The following PSMA8 variants were observed in gnomAD, a reference collection of about 807,000 sequenced individuals.
PSMA8 encodes proteasome subunit alpha-type 8.
Under a neutral mutation model 32.4 loss-of-function variants are expected in PSMA8, and 18 were observed. The observed-to-expected ratio is 0.56, with a 90% CI of 0.38 to 0.82. The LOEUF is 0.82. Ranked by LOEUF, PSMA8 falls within the 40% of genes least tolerant of loss-of-function variation. The pLI is 0.00. For synonymous variants in PSMA8, 104 were observed against 98.1 expected (o/e 1.06, Z -0.36); for missense variants, 298 against 300.7 (o/e 0.99, Z 0.07).
intron 6 of PSMA8, among the ~76,000 whole-genome samples, chr18:26,189,197 CTTCTTTTCTCAAAAGAAGACATACA>C: frequency 6.6e-6 from 1 of 152,046 alleles, no homozygotes; most frequent in African/African-American, 2.4e-5. Flanking sequence ...ATTTGTATGT[CTTCTTTTCTCAAAAGAAGACATACA>C]AATGGCAAAC....
At chr18:26,146,385 C>T (rs1452270581) in intron 2 of PSMA8, among the ~76,000 whole-genome samples, 9 of 151,998 alleles carry the variant, frequency 5.9e-5, no homozygotes, top group Admixed American at 5.9e-4. Context: ...AAAATTAAAA[C>T]CTCATTCAGA....
At chr18:26,175,566 C>G (rs1036552950) in intron 4 of PSMA8, among the ~76,000 whole-genome samples, 2 of 152,156 alleles carry the variant, frequency 1.3e-5, no homozygotes, top group African/African-American at 2.4e-5. Context: ...AACCAGGGAA[C>G]CTTCCCAAGG....
intron 3 of PSMA8, among the ~76,000 whole-genome samples, chr18:26,153,890 T>C (rs953897898): frequency 1.3e-5 from 2 of 152,066 alleles, no homozygotes; most frequent in African/African-American, 4.8e-5. Flanking sequence ...TACCATTTGT[T>C]TTATTTTTAT....
At chr18:26,165,570 T>A (rs1338848592) in intron 4 of PSMA8, among the ~76,000 whole-genome samples, 1 of 151,072 alleles carries the variant, frequency 6.6e-6, no homozygotes, top group Non-Finnish European at 1.5e-5. Context: ...CAAGGGAATT[T>A]TCCCCCCCCA....
Position 26,183,898 on chromosome 18 carries a change from T to C in PSMA8, c.660+4768T>C, listed in dbSNP as rs540733616. ...GAAATTCCCACAGCCACTTCAACCT[T>C]CAGCAACCACTACCCTGATGAGTCA... On this transcript the variant is annotated intron_variant, in intron 6 of 6. Transcript: ENST00000415576. Among the ~76,000 whole-genome samples the C allele has an allele frequency of 2.7e-5, 4 of 150,802 alleles. No individual in the cohort carries two copies. In the South Asian group the frequency reaches 8.3e-4, roughly 31 times the overall value.
intron 1 of PSMA8, among the ~76,000 whole-genome samples, chr18:26,138,950 T>G (rs2054933520): frequency 2.0e-5 from 3 of 152,168 alleles, no homozygotes; most frequent in African/African-American, 7.2e-5. Context: ...TGGGGGAAGA[T>G]AACTGTTTTG....
In PSMA8 at chr18:26,179,079, T is replaced by A; in HGVS notation, c.609T>A (p.Ser203=). The A allele has an allele frequency of 6.2e-7, 1 of 1,613,284 alleles. No individual in the cohort carries two copies. The highest frequency in any genetic ancestry group is 8.5e-7 in the Non-Finnish European group (1 of 1,179,584). ...TTGTTCTACATTAGGTTGTCCAGTCTGGTGGAAAAAACATTGAACTTGCTA... is the reference window on the plus strand; with the variant it reads ...TTGTTCTACATTAGGTTGTCCAGTCAGGTGGAAAAAACATTGAACTTGCTA... The part of the protein sequence containing the change: ...AIKALLEVVQ[S]GGKNIELAII... Residue 203 remains serine (S), a synonymous_variant, in exon 6 of 7, where the codon TCT becomes TCA. Transcript: ENST00000415576.
At chr18:26,153,385 G>C in intron 3 of PSMA8, among the ~76,000 whole-genome samples, 1 of 151,808 alleles carries the variant, frequency 6.6e-6, no homozygotes, top group Non-Finnish European at 1.5e-5. Flanking sequence ...ATTGTAATTG[G>C]TTTTCAGATT....
intron 2 of PSMA8, among the ~76,000 whole-genome samples, chr18:26,148,863 T>C (rs1035511739): frequency 2.0e-5 from 3 of 152,158 alleles, no homozygotes; most frequent in African/African-American, 7.2e-5. Context: ...TCTTTTTAAT[T>C]TGAAACAGGG....
intron 2 of PSMA8, among the ~76,000 whole-genome samples, chr18:26,145,154 T>C (rs2144280274): frequency 6.6e-6 from 1 of 152,290 alleles, no homozygotes; most frequent in East Asian, 1.9e-4. Context: ...GTTTCACTCT[T>C]GTTGCCCAGG....
At chr18:26,143,302 G>A (rs1018140138) in intron 1 of PSMA8, among the ~76,000 whole-genome samples, 3 of 152,142 alleles carry the variant, frequency 2.0e-5, no homozygotes, top group Admixed American at 2.0e-4. Flanking sequence ...GTTAATTGAT[G>A]TGTCTAAATT....
chr18:26,144,655 C>T lies in PSMA8; in HGVS notation c.199C>T (p.Leu67Phe). 6.2e-7 allele frequency: 1 copy of T among 1,613,856 alleles called. No individual in the cohort carries two copies. Among genetic ancestry groups the T allele is most frequent in the Non-Finnish European group, 8.5e-7 (1 of 1,179,896 alleles). ...DERTVRKICA[L>F]DDHVCMAFAG... ...AAGAACTGTGAGGAAAATTTGTGCC[C>T]TTGATGACCATGTCTGCATGGCTTT... Residue 67 changes from leucine to phenylalanine, a missense_variant, in exon 2 of 7, where the codon CTT becomes TTT. Physicochemically the swap from Leu to Phe is conservative, Grantham distance 22 (BLOSUM62 0). Transcript: ENST00000415576.
intron 1 of PSMA8, among the ~76,000 whole-genome samples, chr18:26,136,069 C>T (rs1419316761): frequency 1.3e-5 from 2 of 152,050 alleles, no homozygotes; most frequent in African/African-American, 2.4e-5. Context: ...CCAGTTTTGA[C>T]CAGTATGTAG....
chr18:26,155,563 C>T (rs1353578136), intron 3 of PSMA8, among the ~76,000 whole-genome samples: 1 of 152,182 alleles, frequency 6.6e-6, no homozygotes. Context: ...TGGACAGCCA[C>T]TTCAATAAAT....
At chr18:26,134,151 TC>T (rs1307795694) in intron 1 of PSMA8, 84 bp downstream of exon 1, 18 of 933,338 alleles carry the variant, frequency 1.9e-5, no homozygotes, top group Non-Finnish European at 3.1e-5. Flanking sequence ...CACCTTTCCA[TC>T]CTAGGAGCTC....
At chr18:26,182,357 T>C (rs190478753) in intron 6 of PSMA8, among the ~76,000 whole-genome samples, 107 of 152,350 alleles carry the variant, frequency 7.0e-4, no homozygotes, top group African/African-American at 2.5e-3. Context: ...ACTGCCTGGC[T>C]TCAAGGGACG....
Position 26,179,084 on chromosome 18 carries a change from GA to G in PSMA8, c.620del (p.Asn207ThrfsTer6). 6.2e-7 allele frequency: 1 copy of G among 1,612,952 alleles called. No homozygotes were observed. Among genetic ancestry groups the G allele is most frequent in the Non-Finnish European group, 8.5e-7 (1 of 1,179,460 alleles). ...KALLEVVQSG[G>X]KNIELAIIRR... ...CTACATTAGGTTGTCCAGTCTGGTG[GA>G]AAAAACATTGAACTTGCTATAATAA... On this transcript the variant is annotated frameshift_variant, in exon 6 of 7. Coordinates refer to ENST00000415576, the MANE Select transcript of PSMA8 (RefSeq NM_001025096.2). LOFTEE classifies it high-confidence loss of function.
At chr18:26,149,612 A>C (rs1395957079) in intron 2 of PSMA8, among the ~76,000 whole-genome samples, 1 of 152,252 alleles carries the variant, frequency 6.6e-6, no homozygotes, top group African/African-American at 2.4e-5. Context: ...TAGAGAACAT[A>C]GTAATAAATC....
intron 6 of PSMA8, among the ~76,000 whole-genome samples, chr18:26,188,318 T>A (rs1348664537): frequency 2.1e-5 from 3 of 140,176 alleles, no homozygotes; most frequent in African/African-American, 7.9e-5. Context: ...TAGCTATAAG[T>A]GCCCACATCA....
Sources: allele counts gnomAD v4.1 joint callset (sites outside exome capture counted in the v4.1 genomes callset), GRCh38; gene constraint gnomAD v4.1.1; transcripts MANE v1.5; gene names NCBI Gene and HGNC (gene_info 2026-07-23, HGNC 2026-07-21).